Variants in GRID2 observed in about 807,000 individuals in gnomAD.
GRID2 encodes glutamate ionotropic receptor delta type subunit 2, also known as glutamate receptor ionotropic, delta-2.
GRID2 carries 33 observed loss-of-function variants against 114.8 expected under a neutral mutation model. That is an observed-to-expected ratio of 0.29 (90% CI 0.22 to 0.38). The LOEUF is 0.38. Among genes scored for constraint, GRID2 ranks in the 10% least tolerant of loss-of-function variants. The pLI is 1.00. For missense variants in GRID2, 1,184 were observed against 1,257.7 expected (o/e 0.94, Z 0.89); for synonymous variants, 505 against 449.9 (o/e 1.12, Z -1.55).
At chr4:93,057,091 T>A (rs1056155338) in intron 2 of GRID2, among the ~76,000 whole-genome samples, 9 of 151,536 alleles carry the variant, frequency 5.9e-5, no homozygotes, top group African/African-American at 2.2e-4. Flanking sequence ...TCTATATAAT[T>A]GAAGAGAAAC....
intron 6 of GRID2, among the ~76,000 whole-genome samples, chr4:93,218,855 A>G (rs1001574682): frequency 6.6e-6 from 1 of 152,150 alleles, no homozygotes; most frequent in Admixed American, 6.6e-5. Context: ...CCTTCCTCAC[A>G]TCGCAGCAGG....
At chr4:93,284,779 A>C (rs1561084642) in intron 8 of GRID2, among the ~76,000 whole-genome samples, 1 of 147,050 alleles carries the variant, frequency 6.8e-6, no homozygotes, top group African/African-American at 2.5e-5. Context: ...ATAACAATAC[A>C]GTTAGAATAA....
intron 2 of GRID2, among the ~76,000 whole-genome samples, chr4:92,678,494 G>A (rs1733493756): frequency 6.6e-6 from 1 of 152,044 alleles, no homozygotes; most frequent in South Asian, 2.1e-4. Context: ...AAAGTCTGAA[G>A]TAATTCAATA....
At chr4:92,488,521 C>T (rs368272144) in intron 1 of GRID2, among the ~76,000 whole-genome samples, 2 of 152,122 alleles carry the variant, frequency 1.3e-5, no homozygotes, top group African/African-American at 4.8e-5. Flanking sequence ...TCTAGACTCT[C>T]ATATGAAGCA....
intron 2 of GRID2, among the ~76,000 whole-genome samples, chr4:92,812,300 T>C (rs969976915): frequency 2.0e-5 from 3 of 152,054 alleles, no homozygotes; most frequent in African/African-American, 7.2e-5. Flanking sequence ...ATATAGATTA[T>C]AAAAACATTC....
intron 2 of GRID2, among the ~76,000 whole-genome samples, chr4:92,979,444 G>A (rs574233476): frequency 1.2e-3 from 176 of 152,086 alleles, no homozygotes; most frequent in African/African-American, 4.2e-3. Context: ...TGTATTGGTA[G>A]GCATGTAAAA....
chr4:92,940,102 G>A (rs1275868740), intron 2 of GRID2, among the ~76,000 whole-genome samples: 2 of 147,148 alleles, frequency 1.4e-5, no homozygotes, highest in Non-Finnish European at 3.0e-5. Flanking sequence ...ATTCTGTGAA[G>A]AAAGTCATTG....
chr4:92,448,075 T>C (rs531367314), intron 1 of GRID2, among the ~76,000 whole-genome samples: 1 of 152,298 alleles, frequency 6.6e-6, no homozygotes, highest in East Asian at 1.9e-4. Flanking sequence ...AAATGACCAG[T>C]GCAAAGACAT....
chr4:93,565,814 A>G (rs1735355530), intron 13 of GRID2, among the ~76,000 whole-genome samples: 1 of 152,202 alleles, frequency 6.6e-6, no homozygotes, highest in Non-Finnish European at 1.5e-5. Context: ...GAATCAGTTT[A>G]TCTCTGAAGA....
At chr4:93,108,891 A>C (rs1732511208) in intron 3 of GRID2, among the ~76,000 whole-genome samples, 2 of 152,086 alleles carry the variant, frequency 1.3e-5, no homozygotes, top group Non-Finnish European at 2.9e-5. Context: ...GGTCTCCCAA[A>C]GTCCTGGGAT....
At chr4:93,597,283 A>G (rs1332894811) in intron 13 of GRID2, among the ~76,000 whole-genome samples, 1 of 152,126 alleles carries the variant, frequency 6.6e-6, no homozygotes, top group Non-Finnish European at 1.5e-5. Context: ...GATAGTAACT[A>G]TTTTATATAT....
At chr4:93,678,645 T>G (rs1725176239) in intron 14 of GRID2, among the ~76,000 whole-genome samples, 1 of 152,118 alleles carries the variant, frequency 6.6e-6, no homozygotes, top group South Asian at 2.1e-4. Flanking sequence ...AGAAAAGAAT[T>G]TTCAAACCAG....
intron 2 of GRID2, among the ~76,000 whole-genome samples, chr4:92,820,823 A>G (rs898758305): frequency 6.6e-6 from 1 of 152,098 alleles, no homozygotes; most frequent in African/African-American, 2.4e-5. Context: ...TAAAATTATC[A>G]TGTTATAATT....
intron 2 of GRID2, among the ~76,000 whole-genome samples, chr4:92,916,546 T>C (rs1353357971): frequency 6.6e-6 from 1 of 152,064 alleles, no homozygotes; most frequent in Non-Finnish European, 1.5e-5. Flanking sequence ...GTGTGTGATG[T>C]TCCCCTTCCT....
chr4:92,363,157 T>C (rs1728695225), intron 1 of GRID2, among the ~76,000 whole-genome samples: 1 of 152,078 alleles, frequency 6.6e-6, no homozygotes, highest in African/African-American at 2.4e-5. Flanking sequence ...TCCTGGTAGC[T>C]GACTAGTGAA....
In GRID2 at chr4:93,478,142, CAG is replaced by C. The variant is rs774944917; in HGVS notation, c.1859-12496_1859-12495del. On this transcript the variant is annotated intron_variant, in intron 11 of 15. Coordinates refer to ENST00000282020, the MANE Select transcript of GRID2 (RefSeq NM_001510.4). The stretch of plus-strand genomic sequence containing the variant: ...CTTTAGAAACAGTGGGAATTTTATA[CAG>C]GCTAGAGTAACAAAAACATTGTGAA... 3.7e-3 allele frequency among the ~76,000 whole-genome samples: 568 copies of C among 152,004 alleles called. 4 individuals are homozygous for C. Among genetic ancestry groups the C allele is most frequent in the Non-Finnish European group, 5.9e-3 (402 of 67,936 alleles).
rs574332593 is a variant in GRID2, at chr4:92,615,904, T to C, written c.244+25618T>C. On this transcript the variant is annotated intron_variant, in intron 2 of 15. Coordinates refer to ENST00000282020, the MANE Select transcript of GRID2 (RefSeq NM_001510.4). ...TGCTCGAATAACTTCTACCCACTGT[T>C]GTTATTTCTACTCACTGTTATTATG... is the stretch of plus-strand genomic sequence containing the variant. Among the ~76,000 whole-genome samples, 11 of 151,812 alleles carry C rather than the reference T, an allele frequency of 7.2e-5. No homozygotes were observed. The East Asian group carries it at 2.1e-3, about 30-fold the overall frequency.
intron 13 of GRID2, among the ~76,000 whole-genome samples, chr4:93,603,178 C>A (rs562176895): frequency 6.6e-6 from 1 of 151,926 alleles, no homozygotes; most frequent in East Asian, 1.9e-4. Flanking sequence ...CCATTGCACT[C>A]CAGCCTAGGG....
chr4:92,864,650 G>A (rs978932776), intron 2 of GRID2, among the ~76,000 whole-genome samples: 1 of 152,154 alleles, frequency 6.6e-6, no homozygotes, highest in East Asian at 1.9e-4. Context: ...TATTAGGAAG[G>A]GTATAGCATC....
Sources: gnomAD v4.1 joint callset for allele counts (sites outside exome capture counted in the v4.1 genomes callset) on GRCh38, gnomAD v4.1.1 for gene constraint, MANE v1.5 for transcripts, NCBI Gene and HGNC (gene_info 2026-07-23, HGNC 2026-07-21) for gene names.